PLEKHO2: variants seen among roughly 807,000 people sequenced by gnomAD.
PLEKHO2 encodes pleckstrin homology domain-containing family O member 2.
PLEKHO2 carries 20 observed loss-of-function variants against 32.7 expected under a neutral mutation model. That is an observed-to-expected ratio of 0.61 (90% CI 0.43 to 0.89). The LOEUF is 0.89. Ranked by LOEUF, PLEKHO2 falls within the 40% of genes least tolerant of loss-of-function variation. PLEKHO2 has a pLI of 0.00. For synonymous variants in PLEKHO2, 247 were observed against 246.3 expected, an observed-to-expected ratio of 1.00 and a Z score of -0.03; for missense variants, 568 against 621.2, an observed-to-expected ratio of 0.91 and a Z score of 0.91.
chr15:64,846,761 C>G (rs1430403006), intron 1 of PLEKHO2, among the ~76,000 whole-genome samples: 2 of 152,198 alleles, frequency 1.3e-5, no homozygotes, highest in Non-Finnish European at 1.5e-5. Context: ...AGGGCTTGTC[C>G]TGACTTGGGA....
At chr15:64,843,032 G>A (rs1324411972) in intron 1 of PLEKHO2, among the ~76,000 whole-genome samples, 1 of 152,184 alleles carries the variant, frequency 6.6e-6, no homozygotes, top group African/African-American at 2.4e-5. Context: ...GGGGAGGAAA[G>A]ATGAAGTTCT....
rs1331469654 is a variant in PLEKHO2 at position 64,859,966 on chromosome 15, A to G, written c.352A>G (p.Ile118Val). The change falls in exon 4 of 6, where the codon ATT (isoleucine) becomes GTT (valine). Residue 118 changes from isoleucine (I) to valine (V), a missense_variant. By Grantham distance (29) the Ile-to-Val change is conservative. Transcript: ENST00000323544. ...CTGGATCAAAGCCCTCAATGAAGGG[A>G]TTAACCGAGGCAAAAACAAGGCTTT... ...ESWIKALNEG[I>V]NRGKNKAFDE... 1 of 1,614,176 alleles carries G rather than the reference A, an allele frequency of 6.2e-7. No individual in the cohort carries two copies. The highest frequency in any genetic ancestry group is 8.5e-7 in the Non-Finnish European group (1 of 1,180,016).
intron 1 of PLEKHO2, among the ~76,000 whole-genome samples, chr15:64,845,767 T>C (rs902840744): frequency 6.6e-6 from 1 of 152,192 alleles, no homozygotes; most frequent in Non-Finnish European, 1.5e-5. Flanking sequence ...AGGCACAAGT[T>C]CCAGCTGTGG....
Position 64,861,591 on chromosome 15 carries a change from G to T in PLEKHO2, c.483+16G>T, listed in dbSNP as rs752604250. 6 of 1,568,398 alleles carry T rather than the reference G, an allele frequency of 3.8e-6. No individual in the cohort carries two copies. Among genetic ancestry groups the T allele is most frequent in the African/African-American group, 2.7e-5 (2 of 73,814 alleles). On this transcript the variant is annotated intron_variant, in intron 5 of 5. Coordinates refer to ENST00000323544, the MANE Select transcript of PLEKHO2 (RefSeq NM_025201.5). ...CCTGAAGGAGGTAGGGCCTTACCCA[G>T]TGTGGATGTTGGGGTTAGTTGAGCC...
At chr15:64,844,846 C>CTAGG (rs1189237441) in intron 1 of PLEKHO2, among the ~76,000 whole-genome samples, 1 of 152,174 alleles carries the variant, frequency 6.6e-6, no homozygotes, top group African/African-American at 2.4e-5. Context: ...AGGACCGGTG[C>CTAGG]ATCCCTCTGG....
At chr15:64,851,567 CCT>C (rs1380612560) in intron 2 of PLEKHO2, among the ~76,000 whole-genome samples, 1 of 152,070 alleles carries the variant, frequency 6.6e-6, no homozygotes, top group Non-Finnish European at 1.5e-5. Flanking sequence ...TAGCTCAATT[CCT>C]CTTTCTGATG....
chr15:64,863,519 T>TTGTGTG (rs147780306), intron 5 of PLEKHO2, among the ~76,000 whole-genome samples: 10 of 145,068 alleles, frequency 6.9e-5, no homozygotes, highest in South Asian at 2.2e-4. Flanking sequence ...GTGTGTGTGT[T>TTGTGTG]TGTGTGTGTG....
In PLEKHO2 at chr15:64,842,013, C is replaced by T; in HGVS notation, c.-4C>T. ...CGGAGCGGCGGGACCTCGGCGGACT[C>T]GCCATGGAGGAGGAGGTGAGGGCGG... is the stretch of plus-strand genomic sequence containing the variant. On this transcript the variant is annotated 5_prime_UTR_variant, in exon 1 of 6. Transcript: ENST00000323544. 1 of 1,244,582 alleles carries T rather than the reference C, an allele frequency of 8.0e-7. No individual in the cohort carries two copies. Among genetic ancestry groups the T allele is most frequent in the Non-Finnish European group, 1.0e-6 (1 of 994,824 alleles). The allele number at this position is 1,244,582 out of a possible 1,614,324, so 77.1% of individuals were successfully genotyped here. A position where few individuals can be genotyped will look rare whatever the true frequency, so the allele number is the denominator to read the frequency against.
chr15:64,867,222 A>AG lies in PLEKHO2; in HGVS notation c.*1342dup, dbSNP rs111422861. ...CACTTTTGTTTACTGAAAGAGAGAA[A>AG]GGGGGGGGTCACAGCAACATGCCCT... is the stretch of plus-strand genomic sequence containing the variant. On this transcript the variant is annotated 3_prime_UTR_variant, in exon 6 of 6. Coordinates refer to ENST00000323544, the MANE Select transcript of PLEKHO2 (RefSeq NM_025201.5). 1.5e-3 allele frequency: 229 copies of AG among 152,468 alleles called. 1 individual carries two copies. Among genetic ancestry groups the AG allele is most frequent in the African/African-American group, 3.6e-3 (149 of 41,462 alleles). The allele number at this position is 152,468 out of a possible 1,614,324, so 9.4% of individuals were successfully genotyped here. A position where few individuals can be genotyped will look rare whatever the true frequency, so the allele number is the denominator to read the frequency against.
Position 64,865,158 on chromosome 15 carries a change from C to T in PLEKHO2, c.743C>T (p.Ser248Leu). 6.2e-7 allele frequency: 1 copy of T among 1,614,164 alleles called. No individual in the cohort carries two copies. The highest frequency in any genetic ancestry group is 8.5e-7 in the Non-Finnish European group (1 of 1,180,018). ...SEVSPESQED[S>L]ETPAEEDSGS... ...GTCTCCCCTGAGAGCCAAGAGGACT[C>T]AGAGACCCCAGCAGAGGAGGACAGT... The change falls in exon 6 of 6, where the codon TCA becomes TTA. Residue 248 changes from serine to leucine, a missense_variant. Physicochemically the swap from Ser to Leu is moderately radical, Grantham distance 145. Coordinates refer to ENST00000323544, the MANE Select transcript of PLEKHO2 (RefSeq NM_025201.5).
chr15:64,858,058 A>G (rs926150024), intron 3 of PLEKHO2, among the ~76,000 whole-genome samples: 2 of 152,202 alleles, frequency 1.3e-5, no homozygotes, highest in Non-Finnish European at 2.9e-5. Context: ...CCTTTCTAGC[A>G]GGTCCCGTCA....
intron 5 of PLEKHO2, among the ~76,000 whole-genome samples, chr15:64,862,237 G>C (rs2084646613): frequency 6.6e-6 from 1 of 152,158 alleles, no homozygotes; most frequent in African/African-American, 2.4e-5. Context: ...GTCAGTTTGA[G>C]GCTCTGGGTA....
intron 1 of PLEKHO2, among the ~76,000 whole-genome samples, chr15:64,847,812 G>C (rs938532638): frequency 6.6e-6 from 1 of 152,338 alleles, no homozygotes; most frequent in Admixed American, 6.5e-5. Flanking sequence ...CTGGAGTGGG[G>C]AGGAGGGGAG....
intron 2 of PLEKHO2, among the ~76,000 whole-genome samples, chr15:64,849,902 TATAATCTC>T (rs2084554086): frequency 6.6e-6 from 1 of 151,508 alleles, no homozygotes; most frequent in African/African-American, 2.4e-5. Flanking sequence ...GGCTTACACC[TATAATCTC>T]AGCACTTTGG....
chr15:64,851,467 T>A (rs916165892), intron 2 of PLEKHO2, among the ~76,000 whole-genome samples: 6 of 152,194 alleles, frequency 3.9e-5, no homozygotes, highest in African/African-American at 1.4e-4. Context: ...TTGAAAAAGA[T>A]TGCTATTAAA....
chr15:64,860,093 C>A, intron 4 of PLEKHO2, 95 bp downstream of exon 4: 3 of 1,062,620 alleles, frequency 2.8e-6, no homozygotes, highest in Non-Finnish European at 4.3e-6. Flanking sequence ...CCCCAGACTA[C>A]CCCTTGATTA....
intron 4 of PLEKHO2, among the ~76,000 whole-genome samples, chr15:64,860,968 C>G (rs2084636974): frequency 6.6e-6 from 1 of 152,258 alleles, no homozygotes; most frequent in Non-Finnish European, 1.5e-5. Context: ...GACTCTTACT[C>G]TGAGACTTCC....
intron 1 of PLEKHO2, among the ~76,000 whole-genome samples, chr15:64,842,671 C>T (rs2084494269): frequency 6.6e-6 from 1 of 152,112 alleles, no homozygotes; most frequent in Non-Finnish European, 1.5e-5. Context: ...GGGAAGGAAT[C>T]GGGAGTCCGG....
At chr15:64,857,380 G>C (rs2084612398) in intron 3 of PLEKHO2, among the ~76,000 whole-genome samples, 1 of 152,198 alleles carries the variant, frequency 6.6e-6, no homozygotes, top group Non-Finnish European at 1.5e-5. Context: ...CTGTCACCCA[G>C]GCTGGAGTGT....
Sources: gnomAD v4.1 joint callset for allele counts (sites outside exome capture counted in the v4.1 genomes callset) on GRCh38, gnomAD v4.1.1 for gene constraint, MANE v1.5 for transcripts, NCBI Gene and HGNC (gene_info 2026-07-23, HGNC 2026-07-21) for gene names.